Variants in TNKS observed in about 807,000 individuals in gnomAD.
TNKS encodes the protein poly [ADP-ribose] polymerase tankyrase-1.
A neutral mutation model predicts 135.8 loss-of-function variants in TNKS; 72 were observed. The ratio of observed to expected loss-of-function variants is 0.53; its 90% CI spans 0.44 to 0.64. The LOEUF (loss-of-function observed/expected upper bound fraction) is 0.64. TNKS is among the 30% of genes least tolerant of loss of function. The pLI is 0.00. For synonymous variants in TNKS, 849 were observed against 649.3 expected, an observed-to-expected ratio of 1.31 and a Z score of -4.68; for missense variants, 1,769 against 1,674.0, an observed-to-expected ratio of 1.06 and a Z score of -0.99.
rs1804078746 is a variant in TNKS, at chr8:9,706,993, G to C, written c.1452G>C (p.Leu484Phe). 6.3e-7 allele frequency: 1 copy of C among 1,579,796 alleles called. No individual in the cohort carries two copies. The highest frequency in any genetic ancestry group is 8.6e-7 in the Non-Finnish European group (1 of 1,164,088). The change falls in exon 8 of 27, where the codon TTG (leucine) becomes TTC (phenylalanine). Residue 484 changes from leucine (L) to phenylalanine (F), a missense_variant. Leu to Phe is a conservative substitution (Grantham distance 22). Coordinates refer to ENST00000310430, the MANE Select transcript of TNKS (RefSeq NM_003747.3). ...CAACTCCGGAGCTTAGGGAGAGATTGACTTGTACGTATTTATATCCCGAAA... is the reference window on the plus strand; with the variant it reads ...CAACTCCGGAGCTTAGGGAGAGATTCACTTGTACGTATTTATATCCCGAAA... ...MAPTPELRER[L>F]TYEFKGHSLL...
chr8:9,633,228 G>A (rs765269392), intron 3 of TNKS, among the ~76,000 whole-genome samples: 1 of 152,078 alleles, frequency 6.6e-6, no homozygotes, highest in Non-Finnish European at 1.5e-5. Flanking sequence ...TCCGGAACTG[G>A]ATTTTCTAAG....
chr8:9,662,325 G>A (rs1418490906), intron 3 of TNKS, among the ~76,000 whole-genome samples: 1 of 152,134 alleles, frequency 6.6e-6, no homozygotes, highest in African/African-American at 2.4e-5. Context: ...ATTCACAATA[G>A]CAAAGACTTG....
At chr8:9,667,858 A>C (rs1012376875) in intron 3 of TNKS, among the ~76,000 whole-genome samples, 1 of 98,204 alleles carries the variant, frequency 1.0e-5, no homozygotes, top group African/African-American at 4.0e-5. Flanking sequence ...TTTTTTTTTG[A>C]GTCTCATTCA....
At chr8:9,609,250 G>T (rs1799353954) in intron 2 of TNKS, among the ~76,000 whole-genome samples, 2 of 152,098 alleles carry the variant, frequency 1.3e-5, no homozygotes, top group South Asian at 4.1e-4. Flanking sequence ...GATTATTTAT[G>T]TGCCTCATTA....
At chr8:9,706,137 A>T in intron 6 of TNKS, 50 bp from the exon 7 acceptor site, 2 of 1,369,888 alleles carry the variant, frequency 1.5e-6, no homozygotes, top group East Asian at 5.0e-5. Flanking sequence ...CGACATGGAT[A>T]AATAAGTTGT....
At position 9,770,281 on chromosome 8, in the gene TNKS, A is replaced by C; in HGVS notation, c.3897+19A>C. The stretch of plus-strand genomic sequence containing the variant: ...AGAACAGGTATGTTACTCATCAAAC[A>C]AGCATAACCAAGTTCACAAACATGT... On this transcript the variant is annotated intron_variant, in intron 26 of 26. Coordinates refer to ENST00000310430, the MANE Select transcript of TNKS (RefSeq NM_003747.3). 1.9e-6 allele frequency: 3 copies of C among 1,595,034 alleles called. No individual in the cohort carries two copies. Among genetic ancestry groups the C allele is most frequent in the Non-Finnish European group, 2.6e-6 (3 of 1,166,758 alleles).
Position 9,556,427 on chromosome 8 carries a change from C to T in TNKS, c.488C>T (p.Ala163Val), listed in dbSNP as rs760517152. The T allele has an allele frequency of 1.2e-5, 19 of 1,614,218 alleles. No individual in the cohort carries two copies. In the South Asian group the frequency reaches 1.9e-4, roughly 16 times the overall value. ...GAGGCGGCCGGAGTTAGCAGCACAG[C>T]ACCACTGGGGCCTGGGGCAGCAGGA... is the stretch of plus-strand genomic sequence containing the variant. ...SPEAAGVSSTAPLGPGAAGPG... is the reference protein window; with the variant it reads ...SPEAAGVSSTVPLGPGAAGPG... The change falls in exon 1 of 27, where the codon GCA becomes GTA. Residue 163 changes from alanine (A) to valine (V), a missense_variant. Transcript: ENST00000310430.
intron 1 of TNKS, among the ~76,000 whole-genome samples, chr8:9,578,130 T>G (rs1798028969): frequency 6.6e-6 from 1 of 152,164 alleles, no homozygotes; most frequent in African/African-American, 2.4e-5. Context: ...CCCCTGTGGC[T>G]TTGCAGGAGT....
At chr8:9,764,012 A>C (rs937117339) in intron 22 of TNKS, among the ~76,000 whole-genome samples, 10 of 152,172 alleles carry the variant, frequency 6.6e-5, no homozygotes, top group Admixed American at 6.5e-4. Flanking sequence ...TCAGGAAGGC[A>C]TCATGGGGTC....
chr8:9,603,299 C>A (rs1226166214), intron 2 of TNKS, among the ~76,000 whole-genome samples: 1 of 151,958 alleles, frequency 6.6e-6, no homozygotes, highest in East Asian at 1.9e-4. Context: ...AAGTGATCCG[C>A]CCGCCTTGGC....
At position 9,706,171 on chromosome 8, in the gene TNKS, GC is replaced by G. The variant is rs1563180030; in HGVS notation, c.1203-14del. ...GTTTGAAATTTAAGTATTTTAATTT[GC>G]CTCTTTTCATTTAGTGGACTTGTGC... On this transcript the variant is annotated splice_polypyrimidine_tract_variant and intron_variant, in intron 6 of 26. Transcript: ENST00000310430. The G allele has an allele frequency of 6.4e-7, 1 of 1,552,608 alleles. No homozygotes were observed. Among genetic ancestry groups the G allele is most frequent in the South Asian group, 1.3e-5 (1 of 76,912 alleles).
chr8:9,660,062 C>G (rs986838893), intron 3 of TNKS, among the ~76,000 whole-genome samples: 2 of 151,840 alleles, frequency 1.3e-5, no homozygotes, highest in Admixed American at 6.6e-5. Context: ...CTGAATAGAC[C>G]AACAACAGGC....
chr8:9,611,879 C>G (rs1202813108), intron 2 of TNKS, among the ~76,000 whole-genome samples: 1 of 152,040 alleles, frequency 6.6e-6, no homozygotes, highest in East Asian at 1.9e-4. Flanking sequence ...TTTGTTTGTT[C>G]TTTTTAAAGA....
chr8:9,751,163 T>A (rs889026615), intron 18 of TNKS, among the ~76,000 whole-genome samples: 15 of 152,204 alleles, frequency 9.9e-5, no homozygotes, highest in Admixed American at 2.0e-4. Flanking sequence ...CGAAAAGCAG[T>A]TGCATCTAAT....
intron 3 of TNKS, among the ~76,000 whole-genome samples, chr8:9,670,446 T>G (rs1585307298): frequency 6.6e-6 from 1 of 152,204 alleles, no homozygotes; most frequent in African/African-American, 2.4e-5. Flanking sequence ...TTAATTTTCT[T>G]ATCTGAATAT....
intron 2 of TNKS, among the ~76,000 whole-genome samples, chr8:9,611,372 G>T (rs1483997522): frequency 1.3e-5 from 2 of 152,216 alleles, no homozygotes; most frequent in South Asian, 2.1e-4. Context: ...TTTGTACATT[G>T]TTGGTGTATT....
At chr8:9,631,774 T>C (rs1800298590) in intron 3 of TNKS, among the ~76,000 whole-genome samples, 1 of 152,126 alleles carries the variant, frequency 6.6e-6, no homozygotes, top group South Asian at 2.1e-4. Context: ...TTTTTTTTTT[T>C]TTCAAGAAAA....
At chr8:9,761,229 A>G (rs1336107573) in intron 20 of TNKS, among the ~76,000 whole-genome samples, 1 of 152,240 alleles carries the variant, frequency 6.6e-6, no homozygotes, top group African/African-American at 2.4e-5. Flanking sequence ...ATAGAACAAA[A>G]TAATCTAAAG....
intron 21 of TNKS, 66 bp downstream of exon 21, chr8:9,761,702 T>G: frequency 6.6e-7 from 1 of 1,525,388 alleles, no homozygotes; most frequent in South Asian, 1.2e-5. Flanking sequence ...TTGGGGCTGA[T>G]AATTGAACTC....
Sources: gnomAD v4.1 joint callset for allele counts (sites outside exome capture counted in the v4.1 genomes callset) on GRCh38, gnomAD v4.1.1 for gene constraint, MANE v1.5 for transcripts, NCBI Gene and HGNC (gene_info 2026-07-23, HGNC 2026-07-21) for gene names.